Variants in GADL1 observed in about 807,000 individuals in gnomAD.
The protein encoded by GADL1 is acidic amino acid decarboxylase GADL1.
Under a neutral mutation model 69.5 loss-of-function variants are expected in GADL1, and 71 were observed. The ratio of observed to expected loss-of-function variants is 1.02; its 90% CI spans 0.84 to 1.25. The LOEUF (loss-of-function observed/expected upper bound fraction) is 1.25, where lower values mean the gene tolerates loss of function less well. Among genes scored for constraint, GADL1 ranks in the 50% most tolerant of loss-of-function variants. GADL1 has a pLI of 0.00. For synonymous variants in GADL1, 254 were observed against 214.4 expected (o/e 1.18, Z -1.62); for missense variants, 737 against 631.8 (o/e 1.17, Z -1.79).
intron 11 of GADL1, among the ~76,000 whole-genome samples, chr3:30,804,567 TA>T (rs1318509839): frequency 8.6e-6 from 1 of 116,310 alleles, no homozygotes; most frequent in African/African-American, 3.8e-5. Flanking sequence ...TCATCCTTCT[TA>T]CTTATCTGAC....
chr3:30,782,948 TAAC>T (rs541390887), intron 13 of GADL1, among the ~76,000 whole-genome samples: 151 of 152,310 alleles, frequency 9.9e-4, no homozygotes, highest in African/African-American at 3.2e-3. Context: ...GATTACAAGA[TAAC>T]AATGTAAGAA....
chr3:30,813,052 G>A (rs1025266933), intron 11 of GADL1, among the ~76,000 whole-genome samples: 1 of 152,086 alleles, frequency 6.6e-6, no homozygotes, highest in Non-Finnish European at 1.5e-5. Context: ...CACATGAGAA[G>A]GGAAACAGAA....
Position 30,861,725 on chromosome 3 carries a change from ATTC to A in GADL1, c.75_77del (p.Lys25del), listed in dbSNP as rs763321526. ...GCACAACCCCATCCACAAGAACAGC[ATTC>A]TTCTTACTTGGAATCATCTCTTGTT... On this transcript the variant is annotated inframe_deletion, in exon 2 of 15. Coordinates refer to ENST00000282538, the MANE Select transcript of GADL1 (RefSeq NM_207359.3). The A allele has an allele frequency of 6.5e-7, 1 of 1,548,264 alleles. No individual in the cohort carries two copies. Among genetic ancestry groups the A allele is most frequent in the South Asian group, 1.2e-5 (1 of 83,156 alleles).
chr3:30,752,414 T>TG lies in GADL1; in HGVS notation c.1393-24000dup, dbSNP rs548597830. Reference sequence around the variant, plus strand: ...GATAGACATGTATGGTGAAAGAGGATGGGAGTAACAATGGAGTCTGTGCCG... The same window carrying TG: ...GATAGACATGTATGGTGAAAGAGGATGGGGAGTAACAATGGAGTCTGTGCCG... On this transcript the variant is annotated intron_variant, in intron 14 of 14. Transcript: ENST00000282538. 5.0e-3 allele frequency among the ~76,000 whole-genome samples: 760 copies of TG among 152,050 alleles called. 7 individuals are homozygous for TG. Among genetic ancestry groups the TG allele is most frequent in the African/African-American group, 0.018 (732 of 41,334 alleles).
chr3:30,793,740 C>T (rs1304990685), intron 12 of GADL1, among the ~76,000 whole-genome samples: 1 of 152,052 alleles, frequency 6.6e-6, no homozygotes, highest in Non-Finnish European at 1.5e-5. Context: ...TTTTTCTTGT[C>T]CTTTTGCAAG....
At chr3:30,741,151 G>A (rs1337059002) in intron 14 of GADL1, among the ~76,000 whole-genome samples, 1 of 137,572 alleles carries the variant, frequency 7.3e-6, no homozygotes, top group Non-Finnish European at 1.5e-5. Context: ...TGTGAGATAG[G>A]TGGTTTGTTT....
At chr3:30,821,561 T>C (rs1276173500) in intron 11 of GADL1, among the ~76,000 whole-genome samples, 1 of 151,966 alleles carries the variant, frequency 6.6e-6, no homozygotes, top group Non-Finnish European at 1.5e-5. Context: ...AGAATCTTTG[T>C]GTGAAATAAG....
chr3:30,839,550 A>G lies in GADL1; in HGVS notation c.787-437T>C, dbSNP rs540117881. Among the ~76,000 whole-genome samples, 71 of 141,228 alleles carry G rather than the reference A, an allele frequency of 5.0e-4. No homozygotes were observed. In the South Asian group the frequency reaches 5.4e-3, roughly 11 times the overall value. The allele number at this position is 141,228 out of a possible 152,430, so 92.7% of individuals were successfully genotyped here. A position where few individuals can be genotyped will look rare whatever the true frequency, so the allele number is the denominator to read the frequency against. On this transcript the variant is annotated intron_variant, in intron 8 of 14. Transcript: ENST00000282538. The stretch of plus-strand genomic sequence containing the variant: ...AAAGGTTGGAAGACAGAGCTCCCGG[A>G]GTAAACCATGCAGGCCTGTTTGCTC...
chr3:30,808,676 CCTTTTTTGT>C (rs997216282), intron 11 of GADL1, among the ~76,000 whole-genome samples: 9 of 152,170 alleles, frequency 5.9e-5, no homozygotes, highest in African/African-American at 2.2e-4. Flanking sequence ...GAATCTTTTG[CCTTTTTTGT>C]CTAAAATGCT....
At chr3:30,802,619 A>G (rs1697185340) in intron 11 of GADL1, among the ~76,000 whole-genome samples, 1 of 152,254 alleles carries the variant, frequency 6.6e-6, no homozygotes, top group Non-Finnish European at 1.5e-5. Context: ...TCAAGATATC[A>G]CATTTCAAAT....
intron 1 of GADL1, among the ~76,000 whole-genome samples, chr3:30,894,163 C>T (rs1388172883): frequency 6.6e-6 from 1 of 152,154 alleles, no homozygotes; most frequent in Non-Finnish European, 1.5e-5. Flanking sequence ...CCTCTTTTAA[C>T]CCCTGTTTAT....
chr3:30,857,189 A>G, intron 2 of GADL1, 48 bp from the exon 3 acceptor site: 1 of 1,527,258 alleles, frequency 6.5e-7, no homozygotes, highest in South Asian at 1.2e-5. Flanking sequence ...ATAGCCAGGT[A>G]TTGAGAGGAT....
intron 14 of GADL1, among the ~76,000 whole-genome samples, chr3:30,771,486 A>T (rs1054701663): frequency 2.6e-5 from 4 of 152,228 alleles, no homozygotes; most frequent in African/African-American, 9.6e-5. Flanking sequence ...CTATCCAAGT[A>T]AGGGGAGCCT....
intron 14 of GADL1, among the ~76,000 whole-genome samples, chr3:30,754,050 C>T (rs1345250524): frequency 6.6e-6 from 1 of 152,204 alleles, no homozygotes; most frequent in Admixed American, 6.5e-5. Context: ...CTATATTTTC[C>T]ACCTTCAAAT....
rs558012297 is a variant in GADL1, at chr3:30,788,936, C to G, written c.1251-2530G>C. ...CACCACATCTTCAGTGACTTCCTTC[C>G]CTGAAGTCTTATACCCCTAAAAGTC... On this transcript the variant is annotated intron_variant, in intron 12 of 14. Transcript: ENST00000282538. 1.6e-4 allele frequency among the ~76,000 whole-genome samples: 24 copies of G among 152,154 alleles called. 1 individual carries two copies. Among genetic ancestry groups the G allele is most frequent in the African/African-American group, 4.8e-4 (20 of 41,510 alleles).
At chr3:30,867,547 G>A (rs746780299) in intron 1 of GADL1, among the ~76,000 whole-genome samples, 13 of 151,298 alleles carry the variant, frequency 8.6e-5, no homozygotes, top group South Asian at 2.1e-4. Flanking sequence ...TAACAAACTC[G>A]TTACTCAGTT....
At chr3:30,814,052 G>A (rs113246385) in intron 11 of GADL1, among the ~76,000 whole-genome samples, 2,593 of 152,254 alleles carry the variant, frequency 0.017, 79 homozygotes, top group African/African-American at 0.06. Context: ...TACATTTATC[G>A]TGTGCTTACT....
At chr3:30,789,551 C>T (rs1243709665) in intron 12 of GADL1, among the ~76,000 whole-genome samples, 1 of 152,180 alleles carries the variant, frequency 6.6e-6, no homozygotes, top group Non-Finnish European at 1.5e-5. Context: ...GCTTTGAAGA[C>T]GGGCATTGAC....
At chr3:30,845,317 G>T (rs1180120552) in intron 6 of GADL1, among the ~76,000 whole-genome samples, 1 of 151,986 alleles carries the variant, frequency 6.6e-6, no homozygotes, top group Non-Finnish European at 1.5e-5. Flanking sequence ...TGCAAACATT[G>T]GATATGTCGC....
Sources: gnomAD v4.1 joint callset for allele counts (sites outside exome capture counted in the v4.1 genomes callset) on GRCh38, gnomAD v4.1.1 for gene constraint, MANE v1.5 for transcripts, NCBI Gene and HGNC (gene_info 2026-07-23, HGNC 2026-07-21) for gene names.